The following FKBP4 variants were observed in gnomAD, a reference collection of about 807,000 sequenced individuals.
FKBP4 encodes the protein peptidyl-prolyl cis-trans isomerase FKBP4.
FKBP4 carries 28 observed loss-of-function variants against 54.1 expected under a neutral mutation model. That is an observed-to-expected ratio of 0.52 (90% CI 0.38 to 0.71). The LOEUF (loss-of-function observed/expected upper bound fraction) is 0.71. Among genes scored for constraint, FKBP4 ranks in the 30% least tolerant of loss-of-function variants. The pLI is 0.00. For synonymous variants in FKBP4, 223 were observed against 216.1 expected (o/e 1.03, Z -0.28); for missense variants, 493 against 574.4 (o/e 0.86, Z 1.45).
At chr12:2,800,709 C>A in intron 8 of FKBP4, 132 bp downstream of exon 8, 2 of 885,108 alleles carry the variant, frequency 2.3e-6, no homozygotes, top group Non-Finnish European at 3.3e-6. Flanking sequence ...TCTGAGGTTA[C>A]AGACCAAAGG....
chr12:2,796,220 AG>A (rs1366845772), intron 1 of FKBP4: 3 of 1,288,878 alleles, frequency 2.3e-6, no homozygotes, highest in Non-Finnish European at 2.0e-6. Context: ...CACCCACCTC[AG>A]GGGGCCTTTA....
At chr12:2,802,388 C>CAGAT (rs2097905334) in intron 9 of FKBP4, among the ~76,000 whole-genome samples, 1 of 152,178 alleles carries the variant, frequency 6.6e-6, no homozygotes, top group African/African-American at 2.4e-5. Context: ...CCCACCCCTG[C>CAGAT]CTCCCAAAGT....
At position 2,801,179 on chromosome 12, in the gene FKBP4, C is replaced by A; in HGVS notation, c.1095C>A (p.Ala365=). 6.2e-7 allele frequency: 1 copy of A among 1,613,600 alleles called. No homozygotes were observed. ...GLFRRGEAHL[A]VNDFELARAD... The stretch of plus-strand genomic sequence containing the variant: ...TCCGCCGGGGAGAGGCCCACCTGGC[C>A]GTGAATGACTTTGAACTGGCACGGG... Residue 365 remains alanine (A), a synonymous_variant, in exon 9 of 10, where the codon GCC becomes GCA. Transcript: ENST00000001008.
Position 2,803,432 on chromosome 12 carries a change from G to A in FKBP4, c.*174G>A, listed in dbSNP as rs2097905957. 5.2e-6 allele frequency: 3 copies of A among 578,026 alleles called. No homozygotes were observed. Among genetic ancestry groups the A allele is most frequent in the Admixed American group, 2.9e-5 (1 of 34,040 alleles). The allele number at this position is 578,026 out of a possible 1,614,324, so 35.8% of individuals were successfully genotyped here. On this transcript the variant is annotated 3_prime_UTR_variant, in exon 10 of 10. Coordinates refer to ENST00000001008, the MANE Select transcript of FKBP4 (RefSeq NM_002014.4). Reference sequence around the variant, plus strand: ...AGGTGTAGGCTGGGGGATTGAGGTGGGGAATCATTTTAGCTGGTGTCAGCC... The same window carrying A: ...AGGTGTAGGCTGGGGGATTGAGGTGAGGAATCATTTTAGCTGGTGTCAGCC...
intron 1 of FKBP4, chr12:2,796,151 T>TC: frequency 2.5e-5 from 32 of 1,262,628 alleles, no homozygotes; most frequent in Non-Finnish European, 3.2e-5. Context: ...TTATGCCTTC[T>TC]CCCCATCCGC....
Position 2,797,226 on chromosome 12 carries a change from C to T in FKBP4, c.194C>T (p.Thr65Ile). ...VHYTGWLLDG[T>I]KFDSSLDRKD... ...TACACTGGCTGGCTATTAGATGGCA[C>T]AAAGTTTGACTCCAGTCTGGATCGC... The change falls in exon 2 of 10, where the codon ACA becomes ATA. Residue 65 changes from threonine to isoleucine, a missense_variant. By Grantham distance (89) the Thr-to-Ile change is moderately conservative (BLOSUM62 -1). Coordinates refer to ENST00000001008, the MANE Select transcript of FKBP4 (RefSeq NM_002014.4). The T allele has an allele frequency of 6.2e-7, 1 of 1,613,910 alleles. No individual in the cohort carries two copies.
intron 1 of FKBP4, chr12:2,796,034 G>A: frequency 8.5e-7 from 1 of 1,176,856 alleles, no homozygotes; most frequent in Non-Finnish European, 1.1e-6. Flanking sequence ...ACTACAAATA[G>A]CCTGGGGAGC....
At chr12:2,802,627 T>C (rs2097905466) in intron 9 of FKBP4, among the ~76,000 whole-genome samples, 1 of 152,254 alleles carries the variant, frequency 6.6e-6, no homozygotes, top group Non-Finnish European at 1.5e-5. Flanking sequence ...GAGTTTGAAC[T>C]AGCCACTTAC....
chr12:2,795,976 C>G lies in FKBP4; in HGVS notation c.105+732C>G. 1.9e-6 allele frequency: 2 copies of G among 1,079,024 alleles called. No individual in the cohort carries two copies. Among genetic ancestry groups the G allele is most frequent in the Non-Finnish European group, 2.3e-6 (2 of 883,036 alleles). The allele number at this position is 1,079,024 out of a possible 1,614,324, so 66.8% of individuals were successfully genotyped here. ...GGAGCCAGGGCTGCGGGGTGTGGGGCGGGGAGGAGGCGCTCTGCTGTGGAG... is the reference window on the plus strand; with the variant it reads ...GGAGCCAGGGCTGCGGGGTGTGGGGGGGGGAGGAGGCGCTCTGCTGTGGAG... On this transcript the variant is annotated intron_variant, in intron 1 of 9. Coordinates refer to ENST00000001008, the MANE Select transcript of FKBP4 (RefSeq NM_002014.4). The surrounding 1 kb of genome is among the most constrained non-coding windows in gnomAD (Gnocchi z 4.3).
intron 8 of FKBP4, among the ~76,000 whole-genome samples, chr12:2,800,911 C>T (rs1603481626): frequency 6.6e-6 from 1 of 152,218 alleles, no homozygotes; most frequent in East Asian, 1.9e-4. Flanking sequence ...ATCCAAAGAC[C>T]TGCTGTCTTC....
rs1426311906 is a variant in FKBP4 at position 2,797,152 on chromosome 12, G to A, written c.120G>A (p.Glu40=). The A allele has an allele frequency of 1.6e-5, 26 of 1,612,656 alleles. No individual in the cohort carries two copies. The highest frequency in any genetic ancestry group is 2.0e-5 in the Non-Finnish European group (24 of 1,179,842). The part of the protein sequence containing the change: ...DEGVLKVIKR[E]GTGTEMPMIG... ...CTTCCTCCCAGGTCATCAAGAGAGA[G>A]GGCACAGGTACAGAGATGCCCATGA... Residue 40 remains glutamate (E), a synonymous_variant, in exon 2 of 10, where the codon GAG becomes GAA. Transcript: ENST00000001008.
intron 2 of FKBP4, 98 bp from the exon 3 acceptor site, chr12:2,797,631 C>A: frequency 7.0e-7 from 1 of 1,422,052 alleles, no homozygotes; most frequent in South Asian, 1.4e-5. Flanking sequence ...GGATGTCCAG[C>A]TTCCCCATGA....
Position 2,805,051 on chromosome 12 carries a change from C to T in FKBP4, c.*1793C>T, listed in dbSNP as rs2097906760. The T allele has an allele frequency of 3.0e-6, 1 of 329,902 alleles. No individual in the cohort carries two copies. The highest frequency in any genetic ancestry group is 4.3e-5 in the Admixed American group (1 of 23,344). 20.4% of individuals were successfully genotyped at this position (329,902 alleles called of 1,614,324 possible). Reference sequence around the variant, plus strand: ...TTACGCCTGCAGCCAACAATAATCACTAACTCAAGCATTTATGGAGTAAGC... The same window carrying T: ...TTACGCCTGCAGCCAACAATAATCATTAACTCAAGCATTTATGGAGTAAGC... On this transcript the variant is annotated 3_prime_UTR_variant, in exon 10 of 10. Coordinates refer to ENST00000001008, the MANE Select transcript of FKBP4 (RefSeq NM_002014.4).
chr12:2,805,032 CT>C lies in FKBP4; in HGVS notation c.*1775del, dbSNP rs546884532. The C allele has an allele frequency of 1.1e-4, 35 of 318,814 alleles. No homozygotes were observed. Among genetic ancestry groups the C allele is most frequent in the African/African-American group, 7.5e-4 (34 of 45,042 alleles). 19.7% of individuals were successfully genotyped at this position (318,814 alleles called of 1,614,324 possible). On this transcript the variant is annotated 3_prime_UTR_variant, in exon 10 of 10. Coordinates refer to ENST00000001008, the MANE Select transcript of FKBP4 (RefSeq NM_002014.4). ...TTTCAAAAGTAGTAGATTCTTACGC[CT>C]GCAGCCAACAATAATCACTAACTCA...
In FKBP4 at chr12:2,803,250, G is replaced by A. The variant is rs749459821; in HGVS notation, c.1372G>A (p.Glu458Lys). Residue 458 changes from glutamate to lysine, a missense_variant, in exon 10 of 10, where the codon GAA (glutamate) becomes AAA (lysine). Glu to Lys is a moderately conservative substitution (Grantham distance 56, BLOSUM62 1). Transcript: ENST00000001008. ...TAGSQSQVETEA is the reference protein window; with the variant it reads ...TAGSQSQVETKA ...AGGGAGCCAGTCTCAGGTGGAGACA[G>A]AAGCATAGCCCCTCTCCACCAGCCC... 6.3e-7 allele frequency: 1 copy of A among 1,580,232 alleles called. No homozygotes were observed. Among genetic ancestry groups the A allele is most frequent in the Non-Finnish European group, 8.6e-7 (1 of 1,164,896 alleles).
Position 2,797,826 on chromosome 12 carries a change from A to C in FKBP4, c.348A>C (p.Ala116=). The change falls in exon 3 of 10, where the codon GCA becomes GCC. Residue 116 remains alanine, a synonymous_variant. Transcript: ENST00000001008. ...TCKPEYAYGS[A]GSPPKIPPNA... is the part of the protein sequence containing the mutation. ...AACCAGAATATGCCTACGGTTCAGC[A>C]GGCAGTCCTCCAAAGATTCCCCCCA... 1 of 1,614,118 alleles carries C rather than the reference A, an allele frequency of 6.2e-7. No homozygotes were observed. Among genetic ancestry groups the C allele is most frequent in the Non-Finnish European group, 8.5e-7 (1 of 1,179,988 alleles).
rs1467566597 is a variant in FKBP4 at position 2,803,569 on chromosome 12, C to T, written c.*311C>T. ...GTCCATTTTCTAAGGGTAGAAGAGGCAAGTGGTAGGGATGAGGTCTGATAA... is the reference window on the plus strand; with the variant it reads ...GTCCATTTTCTAAGGGTAGAAGAGGTAAGTGGTAGGGATGAGGTCTGATAA... On this transcript the variant is annotated 3_prime_UTR_variant, in exon 10 of 10. Coordinates refer to ENST00000001008, the MANE Select transcript of FKBP4 (RefSeq NM_002014.4). The T allele has an allele frequency of 3.7e-6, 1 of 273,090 alleles. No individual in the cohort carries two copies. The highest frequency in any genetic ancestry group is 6.9e-5 in the East Asian group (1 of 14,462). 16.9% of individuals were successfully genotyped at this position (273,090 alleles called of 1,614,324 possible).
rs1032845664 is a variant in FKBP4, at chr12:2,800,553, T to C, written c.1008T>C (p.Ser336=). Residue 336 remains serine, a synonymous_variant, in exon 8 of 10, where the codon TCT becomes TCC. Coordinates refer to ENST00000001008, the MANE Select transcript of FKBP4 (RefSeq NM_002014.4). ...AMCHLKLQAF[S]AAIESCNKAL... ...GTCATCTGAAACTACAGGCCTTCTC[T>C]GCTGCCATTGAAAGCTGTAACAAGG... 1 of 1,612,154 alleles carries C rather than the reference T, an allele frequency of 6.2e-7. No homozygotes were observed. The highest frequency in any genetic ancestry group is 8.5e-7 in the Non-Finnish European group (1 of 1,179,246).
In FKBP4 at chr12:2,801,177, G is replaced by T. The variant is rs773706542; in HGVS notation, c.1093G>T (p.Ala365Ser). The change falls in exon 9 of 10, where the codon GCC (alanine) becomes TCC (serine). Residue 365 changes from alanine to serine, a missense_variant. Ala to Ser is a moderately conservative substitution (Grantham distance 99, BLOSUM62 1). Transcript: ENST00000001008. ...CTTCCGCCGGGGAGAGGCCCACCTG[G>T]CCGTGAATGACTTTGAACTGGCACG... ...GLFRRGEAHLAVNDFELARAD... is the reference protein window; with the variant it reads ...GLFRRGEAHLSVNDFELARAD... 1 of 1,613,638 alleles carries T rather than the reference G, an allele frequency of 6.2e-7. No homozygotes were observed. The highest frequency in any genetic ancestry group is 2.2e-5 in the East Asian group (1 of 44,876).
Sources: allele counts gnomAD v4.1 joint callset (sites outside exome capture counted in the v4.1 genomes callset), GRCh38; gene constraint gnomAD v4.1.1; non-coding constraint Gnocchi (gnomAD v3.1); transcripts MANE v1.5; gene names NCBI Gene and HGNC (gene_info 2026-07-23, HGNC 2026-07-21).